UPB1: variants seen among roughly 807,000 people sequenced by gnomAD.
The protein encoded by UPB1 is beta-ureidopropionase.
Under a neutral mutation model 49.1 loss-of-function variants are expected in UPB1, and 40 were observed. That is an observed-to-expected ratio of 0.81 (90% CI 0.63 to 1.06). The LOEUF (loss-of-function observed/expected upper bound fraction) is 1.06, where lower values mean the gene tolerates loss of function less well. UPB1 is among the 50% of genes least tolerant of loss of function. The pLI is 0.00. For missense variants in UPB1, 499 were observed against 505.9 expected (o/e 0.99, Z 0.13); for synonymous variants, 207 against 198.2 (o/e 1.04, Z -0.38).
chr22:24,499,981 G>A (rs563895507), intron 1 of UPB1, 126 bp from the exon 2 acceptor site: 1 of 1,450,368 alleles, frequency 6.9e-7, no homozygotes, highest in Non-Finnish European at 9.5e-7. Context: ...CCCTGGCACT[G>A]AGCGCCTTCT....
At chr22:24,524,758 A>G (rs2044453081) in intron 9 of UPB1, among the ~76,000 whole-genome samples, 1 of 152,226 alleles carries the variant, frequency 6.6e-6, no homozygotes, top group Admixed American at 6.5e-5. Flanking sequence ...CCAAAATACC[A>G]GGATTATAGA....
At chr22:24,497,600 C>T (rs1047581468) in intron 1 of UPB1, among the ~76,000 whole-genome samples, 12 of 152,086 alleles carry the variant, frequency 7.9e-5, no homozygotes, top group Non-Finnish European at 1.5e-4. Context: ...TGAAGGGAAG[C>T]CCTGAGTGGG....
chr22:24,509,546 G>A (rs958255837), intron 3 of UPB1, among the ~76,000 whole-genome samples: 6 of 152,038 alleles, frequency 3.9e-5, no homozygotes, highest in African/African-American at 1.4e-4. Context: ...TTAATGAGTA[G>A]CTTTTCTTAT....
chr22:24,517,567 G>A (rs2044318592), intron 6 of UPB1, among the ~76,000 whole-genome samples: 1 of 152,210 alleles, frequency 6.6e-6, no homozygotes, highest in African/African-American at 2.4e-5. Flanking sequence ...TGTGTGCAGA[G>A]GCCCTCCCTG....
Position 24,523,725 on chromosome 22 carries a change from G to A in UPB1, c.1023G>A (p.Lys341=). ...SRSRDGLLVA[K]LDLNLCQQVN... ...GCCGGGATGGACTGCTAGTTGCTAAGCTCGACCTAAACCTCTGCCAGCAGG... is the reference window on the plus strand; with the variant it reads ...GCCGGGATGGACTGCTAGTTGCTAAACTCGACCTAAACCTCTGCCAGCAGG... The change falls in exon 9 of 10, where the codon AAG becomes AAA. Residue 341 remains lysine, a synonymous_variant. Transcript: ENST00000326010. 2 of 1,614,284 alleles carry A rather than the reference G, an allele frequency of 1.2e-6. No individual in the cohort carries two copies. Among genetic ancestry groups the A allele is most frequent in the Non-Finnish European group, 1.7e-6 (2 of 1,180,052 alleles).
chr22:24,523,505 G>A, intron 8 of UPB1, 114 bp from the exon 9 acceptor site: 1 of 1,487,188 alleles, frequency 6.7e-7, no homozygotes, highest in Non-Finnish European at 9.3e-7. Flanking sequence ...GGCAGACACT[G>A]GGGAGGATGG....
intron 3 of UPB1, among the ~76,000 whole-genome samples, chr22:24,507,536 G>A (rs1224285344): frequency 1.3e-5 from 2 of 152,114 alleles, no homozygotes; most frequent in Non-Finnish European, 2.9e-5. Context: ...TACGAAGATA[G>A]GAGTTATAAA....
chr22:24,515,357 A>T lies in UPB1; in HGVS notation c.778A>T (p.Ile260Leu). ...GATCATCTTCAACCCCTCGGCCACG[A>T]TAGGAGCACTCAGGTCACTCAGTTG... ...AEIIFNPSAT[I>L]GALSESLWPI... The change falls in exon 6 of 10, where the codon ATA becomes TTA. Residue 260 changes from isoleucine (I) to leucine (L), a missense_variant. Ile to Leu is a conservative substitution (Grantham distance 5, BLOSUM62 2). Coordinates refer to ENST00000326010, the MANE Select transcript of UPB1 (RefSeq NM_016327.3). 1 of 1,614,068 alleles carries T rather than the reference A, an allele frequency of 6.2e-7. No homozygotes were observed. Among genetic ancestry groups the T allele is most frequent in the East Asian group, 2.2e-5 (1 of 44,852 alleles).
chr22:24,525,381 G>A (rs913284603), intron 9 of UPB1, among the ~76,000 whole-genome samples: 4 of 152,172 alleles, frequency 2.6e-5, no homozygotes, highest in African/African-American at 9.7e-5. Context: ...GTGACCTGGA[G>A]CAGGTCACTC....
chr22:24,519,284 A>G (rs1037881447), intron 6 of UPB1, among the ~76,000 whole-genome samples: 39 of 151,398 alleles, frequency 2.6e-4, no homozygotes, highest in African/African-American at 8.5e-4. Context: ...CCCTCCACCT[A>G]CTCCCTGGTT....
At position 24,495,516 on chromosome 22, in the gene UPB1, C is replaced by T; in HGVS notation, c.104+9C>T. 6.2e-7 allele frequency: 1 copy of T among 1,613,770 alleles called. No homozygotes were observed. The highest frequency in any genetic ancestry group is 8.5e-7 in the Non-Finnish European group (1 of 1,179,934). Reference sequence around the variant, plus strand: ...TATGGCAAGGAACTCAGGTCCGCAGCCAAGAGGCTAAGCTAATGGGGTCTT... The same window carrying T: ...TATGGCAAGGAACTCAGGTCCGCAGTCAAGAGGCTAAGCTAATGGGGTCTT... On this transcript the variant is annotated intron_variant, in intron 1 of 9. Transcript: ENST00000326010.
intron 6 of UPB1, chr22:24,520,153 GT>G (rs2044362310): frequency 8.6e-6 from 5 of 583,514 alleles, no homozygotes; most frequent in Non-Finnish European, 1.5e-5. Flanking sequence ...CCCAAAGGCT[GT>G]TCAGGCCAGG....
intron 3 of UPB1, among the ~76,000 whole-genome samples, chr22:24,510,334 G>A (rs983083920): frequency 6.6e-6 from 1 of 151,984 alleles, no homozygotes. Flanking sequence ...GTTCATCCAT[G>A]TAAGCATGCA....
chr22:24,525,167 T>C (rs1283267580), intron 9 of UPB1, among the ~76,000 whole-genome samples: 2 of 151,676 alleles, frequency 1.3e-5, no homozygotes, highest in African/African-American at 4.8e-5. Context: ...GTAATGGGCC[T>C]GAGCTCCTGT....
At chr22:24,499,539 C>T (rs560792414) in intron 1 of UPB1, among the ~76,000 whole-genome samples, 2 of 152,290 alleles carry the variant, frequency 1.3e-5, no homozygotes, top group East Asian at 3.9e-4. Context: ...TCCAAGCCCA[C>T]CCAACACCAG....
In UPB1 at chr22:24,520,404, T is replaced by C; in HGVS notation, c.809T>C (p.Ile270Thr). 3.1e-6 allele frequency: 5 copies of C among 1,614,168 alleles called. No homozygotes were observed. The highest frequency in any genetic ancestry group is 4.2e-6 in the Non-Finnish European group (5 of 1,180,014). The change falls in exon 7 of 10, where the codon ATC becomes ACC. Residue 270 changes from isoleucine to threonine, a missense_variant. Physicochemically the swap from Ile to Thr is moderately conservative, Grantham distance 89. Transcript: ENST00000326010. ...IGALSESLWP[I>T]EARNAAIANH... is the part of the protein sequence containing the mutation. The stretch of plus-strand genomic sequence containing the variant: ...TCTTACAGCGAGTCCCTGTGGCCCA[T>C]CGAGGCCAGAAACGCAGCCATTGCC...
chr22:24,525,813 T>C lies in UPB1; in HGVS notation c.*19T>C. ...AGAGTAGCCGGCTTCAGTGCCTGCC[T>C]TGGGGTGAGGAAGACACCTCTGCCC... On this transcript the variant is annotated 3_prime_UTR_variant, in exon 10 of 10. Transcript: ENST00000326010. The C allele has an allele frequency of 6.2e-7, 1 of 1,614,144 alleles. No individual in the cohort carries two copies. Among genetic ancestry groups the C allele is most frequent in the Non-Finnish European group, 8.5e-7 (1 of 1,180,004 alleles).
chr22:24,518,791 T>G (rs1000312810), intron 6 of UPB1, among the ~76,000 whole-genome samples: 2 of 152,232 alleles, frequency 1.3e-5, no homozygotes, highest in African/African-American at 4.8e-5. Flanking sequence ...TTCTACCACC[T>G]GTGTACATTC....
rs754317732 is a variant in UPB1 at position 24,513,335 on chromosome 22, C to T, written c.471C>T (p.Asn157=). 1.2e-5 allele frequency: 20 copies of T among 1,614,172 alleles called. No individual in the cohort carries two copies. Among genetic ancestry groups the T allele is most frequent in the Non-Finnish European group, 1.3e-5 (15 of 1,180,036 alleles). Residue 157 remains asparagine (N), a synonymous_variant, in exon 5 of 10, where the codon AAC becomes AAT. Transcript: ENST00000326010. ...TATCATTTTTCCAGCTGGCGAAGAA[C>T]CATGACATGGTGGTGGTGTCTCCCA... is the stretch of plus-strand genomic sequence containing the variant. The part of the protein sequence containing the change: ...TTRFCQKLAK[N]HDMVVVSPIL...
Sources: allele counts gnomAD v4.1 joint callset (sites outside exome capture counted in the v4.1 genomes callset), GRCh38; gene constraint gnomAD v4.1.1; transcripts MANE v1.5; gene names NCBI Gene and HGNC (gene_info 2026-07-23, HGNC 2026-07-21).